The following ZBTB20 variants were observed in gnomAD, a reference collection of about 807,000 sequenced individuals.
ZBTB20 encodes the protein zinc finger and BTB domain containing 20.
A neutral mutation model predicts 56.9 loss-of-function variants in ZBTB20; 9 were observed. The observed-to-expected ratio is 0.16, with a 90% CI of 0.10 to 0.28. The LOEUF is 0.28. ZBTB20 is among the 10% of genes least tolerant of loss of function. The pLI is 1.00. For missense variants in ZBTB20, 655 were observed against 1,003.0 expected, an observed-to-expected ratio of 0.65 and a Z score of 4.69; for synonymous variants, 417 against 420.7, an observed-to-expected ratio of 0.99 and a Z score of 0.11.
chr3:114,629,164 T>G (rs1343459829), intron 6 of ZBTB20, among the ~76,000 whole-genome samples: 7 of 152,156 alleles, frequency 4.6e-5, no homozygotes, highest in Admixed American at 4.6e-4. Context: ...GCTCTGAAAT[T>G]TATTATATAT....
At chr3:114,404,693 G>A (rs747334084) in intron 7 of ZBTB20, among the ~76,000 whole-genome samples, 1 of 152,044 alleles carries the variant, frequency 6.6e-6, no homozygotes, top group Non-Finnish European at 1.5e-5. Flanking sequence ...AGAGCCTGCC[G>A]AGCTAGCTTT....
intron 6 of ZBTB20, among the ~76,000 whole-genome samples, chr3:114,620,918 C>T (rs573018795): frequency 2.6e-4 from 39 of 152,252 alleles, no homozygotes; most frequent in African/African-American, 8.9e-4. Flanking sequence ...TATGATTTGG[C>T]TGATCTTGAA....
intron 7 of ZBTB20, among the ~76,000 whole-genome samples, chr3:114,477,787 G>A (rs1009031271): frequency 6.7e-6 from 1 of 150,248 alleles, no homozygotes; most frequent in African/African-American, 2.4e-5. Context: ...GAGCCACCGC[G>A]CCCGGTCCGT....
chr3:114,898,220 G>A (rs2074966782), intron 4 of ZBTB20, among the ~76,000 whole-genome samples: 2 of 152,060 alleles, frequency 1.3e-5, no homozygotes, highest in Admixed American at 1.3e-4. Flanking sequence ...GAAAGACGAG[G>A]CATTAACCAT....
chr3:115,124,266 T>C (rs2084262188), intron 1 of ZBTB20, among the ~76,000 whole-genome samples: 2 of 152,200 alleles, frequency 1.3e-5, no homozygotes, highest in African/African-American at 4.8e-5. Flanking sequence ...TATACTGAAC[T>C]TGTAGTAGTA....
chr3:114,438,105 A>G (rs545886991), intron 7 of ZBTB20, among the ~76,000 whole-genome samples: 1 of 152,238 alleles, frequency 6.6e-6, no homozygotes, highest in East Asian at 1.9e-4. Context: ...GAATAAAAGG[A>G]TTGATCTGAG....
intron 2 of ZBTB20, among the ~76,000 whole-genome samples, chr3:115,015,582 T>C (rs1351817630): frequency 6.6e-6 from 1 of 151,938 alleles, no homozygotes; most frequent in Non-Finnish European, 1.5e-5. Flanking sequence ...TGGTTCTCTG[T>C]TCCTCTATCA....
intron 4 of ZBTB20, among the ~76,000 whole-genome samples, chr3:114,857,321 G>C (rs1542871): frequency 0.75 from 114,413 of 152,160 alleles, 47,377 homozygotes; most frequent in East Asian, 0.99. Context: ...AAAACTCCTC[G>C]CAATTTTATA....
intron 6 of ZBTB20, among the ~76,000 whole-genome samples, chr3:114,653,683 C>A (rs2060245360): frequency 1.3e-5 from 2 of 151,758 alleles, no homozygotes; most frequent in Non-Finnish European, 1.5e-5. Context: ...TGAAAGAGTC[C>A]GTGTAGGATT....
intron 6 of ZBTB20, among the ~76,000 whole-genome samples, chr3:114,643,676 A>T (rs2059680213): frequency 6.6e-6 from 1 of 151,988 alleles, no homozygotes; most frequent in Non-Finnish European, 1.5e-5. Context: ...AGAGTGAAAA[A>T]CTTCCCCAGA....
At chr3:114,953,823 C>G (rs1191477744) in intron 3 of ZBTB20, among the ~76,000 whole-genome samples, 1 of 151,976 alleles carries the variant, frequency 6.6e-6, no homozygotes, top group East Asian at 1.9e-4. Context: ...AAAAACAGAA[C>G]TGAAAAAATT....
At chr3:115,013,369 G>A (rs1324027274) in intron 2 of ZBTB20, among the ~76,000 whole-genome samples, 1 of 151,606 alleles carries the variant, frequency 6.6e-6, no homozygotes, top group Non-Finnish European at 1.5e-5. Flanking sequence ...TGATACCGCA[G>A]AATTTAAAGG....
chr3:114,752,545 A>G (rs988929946), intron 5 of ZBTB20, among the ~76,000 whole-genome samples: 1 of 152,190 alleles, frequency 6.6e-6, no homozygotes, highest in Non-Finnish European at 1.5e-5. Context: ...TGGTGATTTT[A>G]CTTTCTTTAA....
At chr3:114,883,315 A>T (rs1398386373) in intron 4 of ZBTB20, among the ~76,000 whole-genome samples, 1 of 152,206 alleles carries the variant, frequency 6.6e-6, no homozygotes, top group Non-Finnish European at 1.5e-5. Flanking sequence ...TATCTTAAAG[A>T]CCATCCCCAT....
intron 2 of ZBTB20, among the ~76,000 whole-genome samples, chr3:115,028,055 T>C (rs887044381): frequency 1.3e-5 from 2 of 150,864 alleles, no homozygotes; most frequent in African/African-American, 2.4e-5. Context: ...CATCCATTCA[T>C]TATTTTTCAA....
chr3:114,692,303 T>C (rs926140393), intron 6 of ZBTB20, among the ~76,000 whole-genome samples: 3 of 151,980 alleles, frequency 2.0e-5, no homozygotes, highest in Non-Finnish European at 4.4e-5. Context: ...GAGGCGGAGC[T>C]ACAATCCCGA....
intron 7 of ZBTB20, among the ~76,000 whole-genome samples, chr3:114,426,725 G>C (rs1238818398): frequency 6.6e-6 from 1 of 152,126 alleles, no homozygotes; most frequent in African/African-American, 2.4e-5. Context: ...TTATGCCAGA[G>C]AGATTTCCAA....
At chr3:114,940,424 A>C (rs2076688234) in intron 3 of ZBTB20, among the ~76,000 whole-genome samples, 1 of 143,870 alleles carries the variant, frequency 7.0e-6, no homozygotes. Context: ...TCCCATTCCT[A>C]CTATAGTTTG....
chr3:114,372,703 G>A (rs1201306163), intron 10 of ZBTB20, among the ~76,000 whole-genome samples: 1 of 151,798 alleles, frequency 6.6e-6, no homozygotes, highest in African/African-American at 2.4e-5. Context: ...AAACTAGCTG[G>A]CTGTGGTGGC....
Sources: gnomAD v4.1 joint callset for allele counts (sites outside exome capture counted in the v4.1 genomes callset) on GRCh38, gnomAD v4.1.1 for gene constraint, MANE v1.5 for transcripts, NCBI Gene and HGNC (gene_info 2026-07-23, HGNC 2026-07-21) for gene names.